Variants in CADPS2 observed in about 807,000 individuals in gnomAD.
The protein encoded by CADPS2 is calcium-dependent secretion activator 2.
Under a neutral mutation model 172.5 loss-of-function variants are expected in CADPS2, and 93 were observed. The ratio of observed to expected loss-of-function variants is 0.54; its 90% CI spans 0.46 to 0.64. CADPS2 has a LOEUF of 0.64. CADPS2 is among the 30% of genes least tolerant of loss of function. The pLI is 0.00. For synonymous variants in CADPS2, 546 were observed against 555.2 expected (o/e 0.98, Z 0.23); for missense variants, 1,420 against 1,565.9 (o/e 0.91, Z 1.57).
rs79849585 is a variant in CADPS2 at position 122,434,341 on chromosome 7, A to G, written c.2476+4000T>C. On this transcript the variant is annotated intron_variant, in intron 17 of 29. Coordinates refer to ENST00000449022, the MANE Select transcript of CADPS2 (RefSeq NM_017954.11). ...GGTCAAATATTGAAAAAGGTAGGGG[A>G]AAAAAAAAAGAAAGAAATAGAGCCC... Among the ~76,000 whole-genome samples the G allele has an allele frequency of 7.5e-3, 1,121 of 149,508 alleles. 46 individuals carry two copies. In the East Asian group the frequency reaches 0.12, roughly 17 times the overall value.
At chr7:122,734,387 G>GAA (rs768675808) in intron 2 of CADPS2, among the ~76,000 whole-genome samples, 1 of 90,834 alleles carries the variant, frequency 1.1e-5, no homozygotes, top group Admixed American at 1.6e-4. Context: ...AAAAAAAAAA[G>GAA]AAAAAAAAAA....
intron 2 of CADPS2, among the ~76,000 whole-genome samples, chr7:122,687,652 T>C (rs1028251048): frequency 5.9e-5 from 9 of 152,214 alleles, no homozygotes; most frequent in African/African-American, 2.2e-4. Context: ...TTGTGTATTA[T>C]AGCTAAGATT....
intron 1 of CADPS2, among the ~76,000 whole-genome samples, chr7:122,852,403 A>G (rs1032517323): frequency 1.3e-5 from 2 of 152,238 alleles, no homozygotes; most frequent in Non-Finnish European, 2.9e-5. Flanking sequence ...GGGGAAGATA[A>G]TGAATGTGTT....
chr7:122,745,873 A>C (rs2138174969), intron 1 of CADPS2, among the ~76,000 whole-genome samples: 1 of 152,200 alleles, frequency 6.6e-6, no homozygotes, highest in Admixed American at 6.5e-5. Context: ...ATCATAGATA[A>C]CTTAACCTAT....
At chr7:122,410,756 A>G (rs1355142766) in intron 19 of CADPS2, among the ~76,000 whole-genome samples, 1 of 152,242 alleles carries the variant, frequency 6.6e-6, no homozygotes, top group Non-Finnish European at 1.5e-5. Flanking sequence ...GTAATTACAA[A>G]TATGTGTTGA....
In CADPS2 at chr7:122,377,786, G is replaced by A. The variant is rs185790436; in HGVS notation, c.3387+1582C>T. 3.9e-5 allele frequency among the ~76,000 whole-genome samples: 6 copies of A among 152,188 alleles called. No individual in the cohort carries two copies. The East Asian group carries it at 9.7e-4, about 25-fold the overall frequency. On this transcript the variant is annotated intron_variant, in intron 25 of 29. Coordinates refer to ENST00000449022, the MANE Select transcript of CADPS2 (RefSeq NM_017954.11). ...TCTATCCACTTGTTGGTGAGTGTGT[G>A]AGGTATCTGTATCTGTAGGTATTTG...
intron 25 of CADPS2, among the ~76,000 whole-genome samples, chr7:122,367,034 TTC>T (rs1272797653): frequency 1.3e-5 from 2 of 152,160 alleles, no homozygotes; most frequent in African/African-American, 4.8e-5. Context: ...TTACTTTGCA[TTC>T]TCTCTCTGCT....
At chr7:122,740,343 G>A (rs1024429915) in intron 1 of CADPS2, among the ~76,000 whole-genome samples, 10 of 152,084 alleles carry the variant, frequency 6.6e-5, no homozygotes, top group African/African-American at 1.7e-4. Flanking sequence ...ACTCGGGTAC[G>A]TCCAACAATG....
At chr7:122,837,548 GAA>G (rs1354334209) in intron 1 of CADPS2, among the ~76,000 whole-genome samples, 1 of 151,912 alleles carries the variant, frequency 6.6e-6, no homozygotes, top group Non-Finnish European at 1.5e-5. Flanking sequence ...TAATAAAGAA[GAA>G]AAGAGAGAAG....
At chr7:122,815,790 A>G (rs1194751476) in intron 1 of CADPS2, among the ~76,000 whole-genome samples, 1 of 152,204 alleles carries the variant, frequency 6.6e-6, no homozygotes, top group Non-Finnish European at 1.5e-5. Context: ...AGCAGCTCCA[A>G]CTGAAATCAT....
At chr7:122,517,045 A>G (rs371940890) in intron 8 of CADPS2, among the ~76,000 whole-genome samples, 18 of 152,264 alleles carry the variant, frequency 1.2e-4, no homozygotes, top group African/African-American at 4.3e-4. Context: ...GCCCTTTATG[A>G]TCAATCCCCT....
chr7:122,677,360 C>T (rs184985678), intron 2 of CADPS2, among the ~76,000 whole-genome samples: 1 of 152,154 alleles, frequency 6.6e-6, no homozygotes, highest in East Asian at 1.9e-4. Flanking sequence ...GTAGAGGGAA[C>T]ACAGCCTATC....
rs2057473500 is a variant in CADPS2 at position 122,483,148 on chromosome 7, T to A, written c.1853-2288A>T. On this transcript the variant is annotated intron_variant, in intron 11 of 29. Coordinates refer to ENST00000449022, the MANE Select transcript of CADPS2 (RefSeq NM_017954.11). Reference sequence around the variant, plus strand: ...GAGGATTGAATTGTTTCCAAGTAACTTAACTGTGTCTCAGAACAAGCATTT... The same window carrying A: ...GAGGATTGAATTGTTTCCAAGTAACATAACTGTGTCTCAGAACAAGCATTT... Among the ~76,000 whole-genome samples the A allele has an allele frequency of 1.3e-5, 2 of 152,204 alleles. 1 individual carries two copies. Among genetic ancestry groups the A allele is most frequent in the Admixed American group, 1.3e-4 (2 of 15,278 alleles).
intron 28 of CADPS2, among the ~76,000 whole-genome samples, chr7:122,332,637 C>A (rs1154947): frequency 0.21 from 32,108 of 152,010 alleles, 3,922 homozygotes; most frequent in East Asian, 0.45. Flanking sequence ...CTATCTTTGG[C>A]ATTCCATACT....
chr7:122,849,624 G>C (rs754821060), intron 1 of CADPS2: 5 of 261,412 alleles, frequency 1.9e-5, no homozygotes, highest in Non-Finnish European at 3.7e-5. Flanking sequence ...TTGTTATTAA[G>C]CATTTATATG....
At chr7:122,695,484 A>G (rs2084953042) in intron 2 of CADPS2, among the ~76,000 whole-genome samples, 1 of 152,222 alleles carries the variant, frequency 6.6e-6, no homozygotes, top group Admixed American at 6.5e-5. Context: ...ACCCAGAGTA[A>G]AAGGGGTTTA....
chr7:122,723,662 G>C (rs2090747453), intron 2 of CADPS2, among the ~76,000 whole-genome samples: 2 of 152,134 alleles, frequency 1.3e-5, no homozygotes, highest in Non-Finnish European at 2.9e-5. Flanking sequence ...ATTTGACCCA[G>C]TCATCCCATT....
intron 17 of CADPS2, among the ~76,000 whole-genome samples, chr7:122,422,905 G>A (rs982824045): frequency 6.6e-6 from 1 of 152,120 alleles, no homozygotes; most frequent in Non-Finnish European, 1.5e-5. Flanking sequence ...GTTGCAGTGA[G>A]CCGAGATCGC....
At chr7:122,494,784 T>G (rs1279578881) in intron 9 of CADPS2, among the ~76,000 whole-genome samples, 1 of 152,082 alleles carries the variant, frequency 6.6e-6, no homozygotes, top group African/African-American at 2.4e-5. Flanking sequence ...ACACTAAATT[T>G]TCCTTGTGTC....
Sources: gnomAD v4.1 joint callset for allele counts (sites outside exome capture counted in the v4.1 genomes callset) on GRCh38, gnomAD v4.1.1 for gene constraint, MANE v1.5 for transcripts, NCBI Gene and HGNC (gene_info 2026-07-23, HGNC 2026-07-21) for gene names.